The following GRIP1 variants were observed in gnomAD, a reference collection of about 807,000 sequenced individuals.
GRIP1 encodes the protein glutamate receptor-interacting protein 1.
GRIP1 carries 45 observed loss-of-function variants against 129.9 expected under a neutral mutation model. That is an observed-to-expected ratio of 0.35 (90% CI 0.27 to 0.44). The LOEUF is 0.44. Ranked by LOEUF, GRIP1 falls within the 20% of genes least tolerant of loss-of-function variation. GRIP1 has a pLI of 1.00. For synonymous variants in GRIP1, 530 were observed against 520.8 expected (o/e 1.02, Z -0.24); for missense variants, 1,196 against 1,396.8 (o/e 0.86, Z 2.29).
At chr12:66,620,269 G>T (rs1405357962) in intron 1 of GRIP1, among the ~76,000 whole-genome samples, 1 of 152,164 alleles carries the variant, frequency 6.6e-6, no homozygotes, top group Non-Finnish European at 1.5e-5. Context: ...AGGGCCTAAA[G>T]GTATTTTGAT....
intron 16 of GRIP1, among the ~76,000 whole-genome samples, chr12:66,401,605 TATATACACACACACAC>T (rs2056997419): frequency 8.0e-6 from 1 of 124,452 alleles, no homozygotes; most frequent in Admixed American, 8.3e-5. Context: ...TGTGTATATA[TATATACACACACACAC>T]ACACACACAC....
At chr12:66,474,786 T>A (rs1342533776) in intron 7 of GRIP1, among the ~76,000 whole-genome samples, 1 of 152,130 alleles carries the variant, frequency 6.6e-6, no homozygotes, top group Non-Finnish European at 1.5e-5. Context: ...GCTGAGAGAC[T>A]TTGTCACCAC....
chr12:67,042,041 T>G (rs1446209878), intron 1 of GRIP1, among the ~76,000 whole-genome samples: 9 of 152,150 alleles, frequency 5.9e-5, no homozygotes, highest in Non-Finnish European at 7.3e-5. Flanking sequence ...AGTGAATTAA[T>G]GCTGTTACAG....
intron 16 of GRIP1, among the ~76,000 whole-genome samples, chr12:66,404,108 C>T (rs1367621669): frequency 6.6e-6 from 1 of 152,214 alleles, no homozygotes. Context: ...GCAACTGAAG[C>T]AGGCTTGTAA....
At chr12:66,537,395 T>C (rs1565839628) in intron 4 of GRIP1, among the ~76,000 whole-genome samples, 1 of 152,060 alleles carries the variant, frequency 6.6e-6, no homozygotes, top group Non-Finnish European at 1.5e-5. Context: ...GCAAGTCAAG[T>C]TCTTTGTAAT....
At chr12:66,930,185 C>T (rs2041368284) in intron 1 of GRIP1, among the ~76,000 whole-genome samples, 1 of 149,280 alleles carries the variant, frequency 6.7e-6, no homozygotes, top group South Asian at 2.2e-4. Context: ...ATACATGTGC[C>T]ATGCTGGTGC....
At chr12:66,410,689 A>G (rs1414188231) in intron 15 of GRIP1, among the ~76,000 whole-genome samples, 1 of 152,084 alleles carries the variant, frequency 6.6e-6, no homozygotes, top group Non-Finnish European at 1.5e-5. Context: ...AATGAAGCAC[A>G]CCTACAAGAT....
At chr12:66,483,360 TG>T (rs771845283) in intron 7 of GRIP1, among the ~76,000 whole-genome samples, 1 of 152,222 alleles carries the variant, frequency 6.6e-6, no homozygotes, top group Non-Finnish European at 1.5e-5. Flanking sequence ...ATAAAGTGCT[TG>T]GGAAAGACTC....
At chr12:66,667,718 C>A (rs1480342027) in intron 1 of GRIP1, among the ~76,000 whole-genome samples, 1 of 152,246 alleles carries the variant, frequency 6.6e-6, no homozygotes, top group African/African-American at 2.4e-5. Context: ...GGGGTCATCA[C>A]TACAGATCCA....
chr12:66,998,847 T>G (rs1258281425), intron 1 of GRIP1, among the ~76,000 whole-genome samples: 3 of 152,162 alleles, frequency 2.0e-5, no homozygotes, highest in Non-Finnish European at 4.4e-5. Flanking sequence ...CATCTTCCTC[T>G]TTACTGAATT....
chr12:66,355,086 C>T (rs1285446527), intron 23 of GRIP1, among the ~76,000 whole-genome samples: 1 of 152,176 alleles, frequency 6.6e-6, no homozygotes, highest in African/African-American at 2.4e-5. Flanking sequence ...TTTCAGTGTC[C>T]TCCTGGACAG....
rs527458777 is a variant in GRIP1 at position 67,052,417 on chromosome 12, C to A, written c.58+16633G>T. 2.0e-5 allele frequency among the ~76,000 whole-genome samples: 3 copies of A among 152,226 alleles called. No individual in the cohort carries two copies. The South Asian group carries it at 6.2e-4, about 32-fold the overall frequency. Reference sequence around the variant, plus strand: ...ATTTTACTATTCTATATATAGCTATCATTACTGGTGGCCCACTCTTGACAG... The same window carrying A: ...ATTTTACTATTCTATATATAGCTATAATTACTGGTGGCCCACTCTTGACAG... On this transcript the variant is annotated intron_variant, in intron 1 of 1. Transcript: ENST00000643019.
intron 18 of GRIP1, 39 bp downstream of exon 18, chr12:66,392,638 C>T: frequency 6.2e-7 from 1 of 1,611,354 alleles, no homozygotes; most frequent in Non-Finnish European, 8.5e-7. Flanking sequence ...AGAAAATGCA[C>T]TGGAAATCCT....
At chr12:66,928,974 G>A (rs868073828) in intron 1 of GRIP1, among the ~76,000 whole-genome samples, 11 of 152,224 alleles carry the variant, frequency 7.2e-5, no homozygotes, top group African/African-American at 2.6e-4. Context: ...CTCATGTCAT[G>A]GACCAGAGAA....
At chr12:66,843,868 A>T (rs2039766251) in intron 1 of GRIP1, among the ~76,000 whole-genome samples, 1 of 152,190 alleles carries the variant, frequency 6.6e-6, no homozygotes, top group African/African-American at 2.4e-5. Flanking sequence ...AAACTCAGAG[A>T]AAAAGTTTTA....
intron 1 of GRIP1, among the ~76,000 whole-genome samples, chr12:67,058,908 G>A (rs1301221496): frequency 6.6e-6 from 1 of 152,140 alleles, no homozygotes. Flanking sequence ...AAGGAAAGGA[G>A]GAGCAAAAAA....
intron 22 of GRIP1, among the ~76,000 whole-genome samples, chr12:66,374,467 C>T (rs1438800760): frequency 6.6e-6 from 1 of 152,178 alleles, no homozygotes; most frequent in Non-Finnish European, 1.5e-5. Context: ...GGATTACAGG[C>T]CTGAGGCACC....
chr12:66,723,256 C>T (rs1373396849), intron 1 of GRIP1, among the ~76,000 whole-genome samples: 2 of 7,784 alleles, frequency 2.6e-4, no homozygotes, highest in African/African-American at 6.5e-4. Context: ...TCCTTCCTTC[C>T]TTCCTTCCTT....
chr12:66,870,910 C>T (rs2040284846), intron 1 of GRIP1, among the ~76,000 whole-genome samples: 1 of 152,096 alleles, frequency 6.6e-6, no homozygotes, highest in Non-Finnish European at 1.5e-5. Context: ...TACTGCATTG[C>T]ACTGGAAACT....
Sources: allele counts gnomAD v4.1 joint callset (sites outside exome capture counted in the v4.1 genomes callset), GRCh38; gene constraint gnomAD v4.1.1; transcripts MANE v1.5; gene names NCBI Gene and HGNC (gene_info 2026-07-23, HGNC 2026-07-21).